HIPK3: variants seen among roughly 807,000 people sequenced by gnomAD.
The protein encoded by HIPK3 is homeodomain-interacting protein kinase 3.
In HIPK3, 47 loss-of-function variants were observed where a neutral mutation model predicts 124.2. The observed-to-expected ratio is 0.38, with a 90% CI of 0.30 to 0.48. The LOEUF (loss-of-function observed/expected upper bound fraction) is 0.48, where lower values mean the gene tolerates loss of function less well. HIPK3 is among the 20% of genes least tolerant of loss of function. The probability of loss-of-function intolerance (pLI) is 0.98; values close to 1 mark genes in which losing one functional copy is unlikely to be tolerated. For synonymous variants in HIPK3, 482 were observed against 515.2 expected (o/e 0.94, Z 0.87); for missense variants, 1,286 against 1,454.3 (o/e 0.88, Z 1.88).
At chr11:33,302,288 A>T (rs1017758555) in intron 2 of HIPK3, among the ~76,000 whole-genome samples, 7 of 150,646 alleles carry the variant, frequency 4.6e-5, no homozygotes, top group Admixed American at 4.6e-4. Context: ...CTACATTTTA[A>T]TGAATCCTTA....
chr11:33,287,089 C>A lies in HIPK3; in HGVS notation c.675C>A (p.Ile225=). Residue 225 remains isoleucine (I), a synonymous_variant, in exon 2 of 17, where the codon ATC becomes ATA. Transcript: ENST00000303296. The part of the protein sequence containing the change: ...WKRGTNEIVA[I]KILKNHPSYA... Reference sequence around the variant, plus strand: ...GAGGGACAAATGAAATTGTAGCAATCAAAATTTTGAAGAATCATCCTTCTT... The same window carrying A: ...GAGGGACAAATGAAATTGTAGCAATAAAAATTTTGAAGAATCATCCTTCTT... The A allele has an allele frequency of 1.2e-6, 2 of 1,614,084 alleles. No homozygotes were observed. The highest frequency in any genetic ancestry group is 2.2e-5 in the South Asian group (2 of 91,078).
rs1853169386 is a variant in HIPK3 at position 33,336,998 on chromosome 11, C to T, written c.1222-77C>T. Reference sequence around the variant, plus strand: ...CTATGTATTTTCATACCTGACCTAACATATAGCCTAGTGTCTGACTTAAGT... The same window carrying T: ...CTATGTATTTTCATACCTGACCTAATATATAGCCTAGTGTCTGACTTAAGT... On this transcript the variant is annotated intron_variant, in intron 3 of 16. Coordinates refer to ENST00000303296, the MANE Select transcript of HIPK3 (RefSeq NM_005734.5). 6 of 1,032,762 alleles carry T rather than the reference C, an allele frequency of 5.8e-6. No individual in the cohort carries two copies. The South Asian group carries it at 6.4e-5, about 11-fold the overall frequency. 64.0% of individuals were successfully genotyped at this position (1,032,762 alleles called of 1,614,324 possible). A position where few individuals can be genotyped will look rare whatever the true frequency, so the allele number is the denominator to read the frequency against.
intron 2 of HIPK3, among the ~76,000 whole-genome samples, chr11:33,325,731 A>G (rs1396843763): frequency 6.6e-6 from 1 of 152,224 alleles, no homozygotes; most frequent in Non-Finnish European, 1.5e-5. Context: ...TTCTAGGTAC[A>G]CAAATAATGA....
intron 8 of HIPK3, among the ~76,000 whole-genome samples, chr11:33,345,382 T>C (rs777871055): frequency 6.6e-6 from 1 of 152,146 alleles, no homozygotes; most frequent in East Asian, 1.9e-4. Context: ...CTTCCAAGTA[T>C]TAAAGCAAAT....
At chr11:33,289,583 T>C (rs924845249) in intron 2 of HIPK3, among the ~76,000 whole-genome samples, 3 of 152,232 alleles carry the variant, frequency 2.0e-5, no homozygotes, top group African/African-American at 4.8e-5. Context: ...TATTTTGATA[T>C]AGGCATACAG....
At chr11:33,305,556 A>G (rs1852132128) in intron 2 of HIPK3, among the ~76,000 whole-genome samples, 1 of 152,204 alleles carries the variant, frequency 6.6e-6, no homozygotes, top group South Asian at 2.1e-4. Flanking sequence ...AAATAGGGAC[A>G]TTGAGATTCA....
chr11:33,331,888 A>G (rs1852997796), intron 3 of HIPK3, among the ~76,000 whole-genome samples: 1 of 152,174 alleles, frequency 6.6e-6, no homozygotes, highest in South Asian at 2.1e-4. Flanking sequence ...AAGAGTTCTT[A>G]ACAGTATATC....
chr11:33,347,179 CAAAA>C (rs368444636), intron 8 of HIPK3, 110 bp from the exon 9 acceptor site: 7 of 870,522 alleles, frequency 8.0e-6, no homozygotes, highest in Non-Finnish European at 8.2e-6. Flanking sequence ...GGCCCTGTCT[CAAAA>C]AAAAAAAAAA....
In HIPK3 at chr11:33,328,523, A is replaced by G; in HGVS notation, c.1111A>G (p.Ile371Val). The change falls in exon 3 of 17, where the codon ATA (isoleucine) becomes GTA (valine). Residue 371 changes from isoleucine to valine, a missense_variant. By Grantham distance (29) the Ile-to-Val change is conservative. This residue lies in a region of HIPK3 where 251 missense variants were observed against 349.1 expected (regional missense o/e 0.72). Transcript: ENST00000303296. ...TTTAAATTTCAGAGCTCCAGAGATT[A>G]TATTGGGGTTGCCATTTTGTGAAGC... is the stretch of plus-strand genomic sequence containing the variant. ...QSRYYRAPEIILGLPFCEAID... is the reference protein window; with the variant it reads ...QSRYYRAPEIVLGLPFCEAID... 1 of 1,613,504 alleles carries G rather than the reference A, an allele frequency of 6.2e-7. No homozygotes were observed. The highest frequency in any genetic ancestry group is 8.5e-7 in the Non-Finnish European group (1 of 1,179,564).
rs1421473150 is a variant in HIPK3 at position 33,347,958 on chromosome 11, C to T, written c.2251C>T (p.His751Tyr). Reference sequence around the variant, plus strand: ...TCAGCCAGTTAGTGTGGGGATTGCACATGTTGTCTGGCCTCAGCCTGCCAC... The same window carrying T: ...TCAGCCAGTTAGTGTGGGGATTGCATATGTTGTCTGGCCTCAGCCTGCCAC... Reference protein sequence around the residue: ...APQPVSVGIAHVVWPQPATTK... With the variant: ...APQPVSVGIAYVVWPQPATTK... Residue 751 changes from histidine (H) to tyrosine (Y), a missense_variant, in exon 11 of 17, where the codon CAT becomes TAT. Around this residue, in one of 3 missense-constraint regions of HIPK3, gnomAD observed 810 missense variants for 864.9 expected, o/e 0.94. Coordinates refer to ENST00000303296, the MANE Select transcript of HIPK3 (RefSeq NM_005734.5). 6.2e-7 allele frequency: 1 copy of T among 1,614,040 alleles called. No homozygotes were observed. The highest frequency in any genetic ancestry group is 1.3e-5 in the African/African-American group (1 of 74,940).
chr11:33,352,908 TTAATAC>T (rs535750372), intron 16 of HIPK3, among the ~76,000 whole-genome samples, 178 bp from the exon 17 acceptor site: 3 of 152,242 alleles, frequency 2.0e-5, no homozygotes, highest in Non-Finnish European at 4.4e-5. Context: ...TACTAAAATG[TTAATAC>T]TAATATATAT....
At chr11:33,319,185 A>G (rs1459996474) in intron 2 of HIPK3, among the ~76,000 whole-genome samples, 2 of 152,244 alleles carry the variant, frequency 1.3e-5, no homozygotes, top group East Asian at 1.9e-4. Context: ...TAGAAGAACA[A>G]TGCAGTAATC....
chr11:33,302,158 G>A (rs1852018565), intron 2 of HIPK3, among the ~76,000 whole-genome samples: 1 of 152,038 alleles, frequency 6.6e-6, no homozygotes, highest in African/African-American at 2.4e-5. Flanking sequence ...AGAATTCTAT[G>A]ATTCCTGTGT....
At chr11:33,348,941 A>T (rs930273357) in intron 13 of HIPK3, 123 bp downstream of exon 13, 1 of 979,040 alleles carries the variant, frequency 1.0e-6, no homozygotes. Context: ...TTTAAATTAG[A>T]TAACCCAGTT....
At chr11:33,344,333 C>T (rs1853431928) in intron 8 of HIPK3, among the ~76,000 whole-genome samples, 1 of 151,896 alleles carries the variant, frequency 6.6e-6, no homozygotes, top group African/African-American at 2.4e-5. Context: ...TCTAGTAATC[C>T]CTCCCATGTA....
chr11:33,315,777 A>G (rs1405985048), intron 2 of HIPK3, among the ~76,000 whole-genome samples: 1 of 152,230 alleles, frequency 6.6e-6, no homozygotes, highest in Non-Finnish European at 1.5e-5. Context: ...CATATTGGTA[A>G]CAAATATTAA....
intron 2 of HIPK3, among the ~76,000 whole-genome samples, chr11:33,293,940 G>C (rs1424838195): frequency 6.6e-6 from 1 of 152,104 alleles, no homozygotes; most frequent in African/African-American, 2.4e-5. Context: ...GCCGAGGCAG[G>C]TGGATCGCCT....
chr11:33,352,743 G>C (rs1853702438), intron 16 of HIPK3, among the ~76,000 whole-genome samples: 1 of 152,084 alleles, frequency 6.6e-6, no homozygotes, highest in Non-Finnish European at 1.5e-5. Context: ...ATCATGGGTT[G>C]TTTTAGAAGT....
chr11:33,305,251 C>T (rs528588557), intron 2 of HIPK3, among the ~76,000 whole-genome samples: 71 of 152,262 alleles, frequency 4.7e-4, no homozygotes, highest in African/African-American at 1.6e-3. Flanking sequence ...ATCTGCCTGC[C>T]TCAGCCTCCC....
Sources: allele counts gnomAD v4.1 joint callset (sites outside exome capture counted in the v4.1 genomes callset), GRCh38; gene constraint gnomAD v4.1.1; regional missense constraint gnomAD v4.1.1; transcripts MANE v1.5; gene names NCBI Gene and HGNC (gene_info 2026-07-23, HGNC 2026-07-21).